SPTLC3: variants seen among roughly 807,000 people sequenced by gnomAD.
SPTLC3 encodes serine palmitoyltransferase long chain base subunit 3, also known as serine palmitoyltransferase 3.
Under a neutral mutation model 59.3 loss-of-function variants are expected in SPTLC3, and 36 were observed. The observed-to-expected ratio is 0.61, with a 90% CI of 0.47 to 0.80. SPTLC3 has a LOEUF of 0.80. Among genes scored for constraint, SPTLC3 ranks in the 30% least tolerant of loss-of-function variants. The pLI is 0.00. For synonymous variants in SPTLC3, 257 were observed against 240.8 expected, an observed-to-expected ratio of 1.07 and a Z score of -0.62; for missense variants, 625 against 685.1, an observed-to-expected ratio of 0.91 and a Z score of 0.98.
intron 6 of SPTLC3, among the ~76,000 whole-genome samples, chr20:13,100,426 T>C (rs922425431): frequency 2.4e-4 from 37 of 152,164 alleles, no homozygotes; most frequent in African/African-American, 8.9e-4. Context: ...TTAGTGATGC[T>C]AAATTCAAAA....
chr20:13,067,044 CATATATATATATATATATATATATAT>C lies in SPTLC3; in HGVS notation c.304-5179_304-5154del, dbSNP rs143918659. On this transcript the variant is annotated intron_variant, in intron 2 of 11. Coordinates refer to ENST00000399002, the MANE Select transcript of SPTLC3 (RefSeq NM_018327.4). ...TGTTTATATAAAAATGTCACTTCTACATATATATATATATATATATATATATATATATATATATATATATATATATA... is the reference window on the plus strand; with the variant it reads ...TGTTTATATAAAAATGTCACTTCTACATATATATATATATATATATATATA... Among the ~76,000 whole-genome samples, 69 of 71,138 alleles carry C rather than the reference CATATATATATATATATATATATATAT, an allele frequency of 9.7e-4. 11 individuals carry two copies. Among genetic ancestry groups the C allele is most frequent in the Non-Finnish European group, 1.3e-3 (41 of 30,656 alleles). The allele number at this position is 71,138 out of a possible 152,430, so 46.7% of individuals were successfully genotyped here. A position where few individuals can be genotyped will look rare whatever the true frequency, so the allele number is the denominator to read the frequency against.
intron 3 of SPTLC3, chr20:13,074,020 C>T: frequency 6.3e-6 from 4 of 630,530 alleles, no homozygotes; most frequent in Admixed American, 1.9e-5. Flanking sequence ...TGTCTCCATC[C>T]AGTCAAGCTC....
intron 9 of SPTLC3, among the ~76,000 whole-genome samples, chr20:13,144,941 A>T (rs1397094817): frequency 6.6e-6 from 1 of 151,908 alleles, no homozygotes; most frequent in Admixed American, 6.6e-5. Flanking sequence ...CGCCCAGCTA[A>T]TTTTTTTGTA....
intron 9 of SPTLC3, among the ~76,000 whole-genome samples, chr20:13,138,565 G>C (rs73898473): frequency 8.6e-4 from 131 of 152,280 alleles, no homozygotes; most frequent in African/African-American, 2.7e-3. Context: ...AATGGGCACC[G>C]AACACTATAC....
chr20:13,014,668 G>T (rs1028392417), intron 1 of SPTLC3, among the ~76,000 whole-genome samples: 1 of 151,910 alleles, frequency 6.6e-6, no homozygotes, highest in Non-Finnish European at 1.5e-5. Flanking sequence ...GTGAAGTGAG[G>T]CACAGAAGGG....
chr20:13,029,561 ATAT>A (rs1180580135), intron 1 of SPTLC3, among the ~76,000 whole-genome samples: 1 of 152,158 alleles, frequency 6.6e-6, no homozygotes, highest in Admixed American at 6.5e-5. Context: ...ATGATCATGG[ATAT>A]TATTAGACTT....
At chr20:13,034,088 T>C (rs1006914899) in intron 1 of SPTLC3, among the ~76,000 whole-genome samples, 70 of 152,284 alleles carry the variant, frequency 4.6e-4, no homozygotes, top group African/African-American at 1.6e-3. Flanking sequence ...ACATCAGAGA[T>C]CAGGCAGATT....
At chr20:13,158,839 G>C (rs545103247) in intron 10 of SPTLC3, among the ~76,000 whole-genome samples, 1 of 152,214 alleles carries the variant, frequency 6.6e-6, no homozygotes, top group African/African-American at 2.4e-5. Flanking sequence ...AGCAAAACAA[G>C]TGAATGGAAG....
intron 9 of SPTLC3, among the ~76,000 whole-genome samples, chr20:13,134,573 C>T (rs751347057): frequency 1.0e-3 from 159 of 152,152 alleles, no homozygotes; most frequent in Admixed American, 2.3e-3. Context: ...TTACCTGGGG[C>T]TTGTTAGAAC....
intron 1 of SPTLC3, among the ~76,000 whole-genome samples, chr20:13,038,045 A>AATATAT (rs74181398): frequency 0.018 from 2,565 of 139,580 alleles, 123 homozygotes; most frequent in African/African-American, 0.067. Context: ...GAAAATCATG[A>AATATAT]ATATATATAT....
At chr20:13,083,169 G>A (rs2122601165) in intron 4 of SPTLC3, among the ~76,000 whole-genome samples, 1 of 152,250 alleles carries the variant, frequency 6.6e-6, no homozygotes, top group East Asian at 1.9e-4. Flanking sequence ...GTAGCCCAGG[G>A]TTGAAAAGAC....
intron 11 of SPTLC3, 104 bp downstream of exon 11, chr20:13,160,236 A>G: frequency 2.2e-6 from 3 of 1,375,636 alleles, no homozygotes; most frequent in Non-Finnish European, 2.9e-6. Context: ...CTCTTGGGTT[A>G]TTTAGGAAAA....
intron 3 of SPTLC3, 45 bp from the exon 4 acceptor site, chr20:13,074,304 A>G: frequency 6.2e-7 from 1 of 1,606,722 alleles, no homozygotes; most frequent in South Asian, 1.1e-5. Context: ...ATCGTGCATA[A>G]TCCTGGGGAG....
At chr20:13,149,027 G>A (rs772426037) in intron 9 of SPTLC3, among the ~76,000 whole-genome samples, 2 of 152,128 alleles carry the variant, frequency 1.3e-5, no homozygotes. Flanking sequence ...GGCTGTTCAG[G>A]TGGAGTTTGA....
chr20:13,165,523 C>A lies in SPTLC3; in HGVS notation c.*656C>A, dbSNP rs1267545606. ...TTTTCCTTTTCCTCTTGCTGGTCTC[C>A]TACAGTTTTACAGCTGAGCTTTTGA... On this transcript the variant is annotated 3_prime_UTR_variant, in exon 12 of 12. Transcript: ENST00000399002. 1 of 152,188 alleles carries A rather than the reference C, an allele frequency of 6.6e-6. No homozygotes were observed. The highest frequency in any genetic ancestry group is 1.5e-5 in the Non-Finnish European group (1 of 68,040). 9.4% of individuals were successfully genotyped at this position (152,188 alleles called of 1,614,324 possible). A position where few individuals can be genotyped will look rare whatever the true frequency, so the allele number is the denominator to read the frequency against.
At chr20:13,124,754 G>T (rs2122783424) in intron 8 of SPTLC3, among the ~76,000 whole-genome samples, 1 of 152,290 alleles carries the variant, frequency 6.6e-6, no homozygotes. Flanking sequence ...GAAAATGCTT[G>T]TGAGCAACAA....
chr20:13,018,656 C>A (rs1029577680), intron 1 of SPTLC3, among the ~76,000 whole-genome samples: 1 of 152,108 alleles, frequency 6.6e-6, no homozygotes, highest in African/African-American at 2.4e-5. Flanking sequence ...TAATATCTGC[C>A]AATTACAAAT....
chr20:13,146,587 A>G (rs1038407565), intron 9 of SPTLC3, among the ~76,000 whole-genome samples: 30 of 152,192 alleles, frequency 2.0e-4, no homozygotes, highest in Admixed American at 1.5e-3. Context: ...CATTCATTTT[A>G]TAAGTATTCA....
rs558721853 is a variant in SPTLC3, at chr20:13,168,910, G to C, written c.*4043G>C. 1.3e-5 allele frequency: 2 copies of C among 151,772 alleles called. No individual in the cohort carries two copies. The highest frequency in any genetic ancestry group is 1.3e-4 in the Admixed American group (2 of 15,204). 9.4% of individuals were successfully genotyped at this position (151,772 alleles called of 1,614,324 possible). ...TTAAATATTTTTAGGTAATTATTGC[G>C]GGACATTGTCTTATGGTGTCCTGAT... On this transcript the variant is annotated 3_prime_UTR_variant, in exon 12 of 12. Transcript: ENST00000399002.
Sources: gnomAD v4.1 joint callset for allele counts (sites outside exome capture counted in the v4.1 genomes callset) on GRCh38, gnomAD v4.1.1 for gene constraint, MANE v1.5 for transcripts, NCBI Gene and HGNC (gene_info 2026-07-23, HGNC 2026-07-21) for gene names.